Variants in CASD1 observed in about 807,000 individuals in gnomAD.
The protein encoded by CASD1 is N-acetylneuraminate (7)9-O-acetyltransferase.
In CASD1, 41 loss-of-function variants were observed where a neutral mutation model predicts 100.0. The ratio of observed to expected loss-of-function variants is 0.41; its 90% CI spans 0.32 to 0.53. CASD1 has a LOEUF of 0.53. CASD1 is among the 20% of genes least tolerant of loss of function. The pLI is 0.25. For missense variants in CASD1, 774 were observed against 948.7 expected (o/e 0.82, Z 2.42); for synonymous variants, 321 against 315.6 (o/e 1.02, Z -0.18).
chr7:94,577,633 A>T, the CASD1 span, among the ~76,000 whole-genome samples: 320 of 151,748 alleles, frequency 2.1e-3, 6 homozygotes, highest in Non-Finnish European at 6.8e-4. Flanking sequence ...TTCCAAAAAG[A>T]TAATGAAACT....
intron 5 of CASD1, among the ~76,000 whole-genome samples, chr7:94,528,536 C>CA (rs1268738904): frequency 1.3e-5 from 2 of 152,136 alleles, no homozygotes; most frequent in Admixed American, 6.5e-5. Context: ...TCAGCTGATT[C>CA]AAACCCAGGT....
At chr7:94,603,236 A>G in the CASD1 span, 7 of 1,435,104 alleles carry the variant, frequency 4.9e-6, no homozygotes, top group Non-Finnish European at 6.8e-6. Context: ...GTCAAACGTT[A>G]ACTCCAGCCA....
At chr7:94,513,745 A>G (rs893937463) in intron 1 of CASD1, among the ~76,000 whole-genome samples, 1 of 152,214 alleles carries the variant, frequency 6.6e-6, no homozygotes, top group Non-Finnish European at 1.5e-5. Context: ...CCTAACACAC[A>G]ATAGGAAATC....
chr7:94,568,769 C>T, the CASD1 span, among the ~76,000 whole-genome samples: 1 of 152,160 alleles, frequency 6.6e-6, no homozygotes, highest in Non-Finnish European at 1.5e-5. Flanking sequence ...GATTATTGCC[C>T]TTATAAAAGA....
At chr7:94,623,907 G>A in the CASD1 span, 5 of 360,880 alleles carry the variant, frequency 1.4e-5, no homozygotes, top group Non-Finnish European at 2.5e-5. Context: ...TCTCACTTAC[G>A]ATGGGAGTAA....
intron 9 of CASD1, 48 bp from the exon 10 acceptor site, chr7:94,538,919 A>G (rs1795249854): frequency 9.8e-7 from 1 of 1,017,484 alleles, no homozygotes; most frequent in African/African-American, 1.6e-5. Flanking sequence ...GCCGTTAAAT[A>G]ATTTCTTCAT....
At chr7:94,599,020 G>T in the CASD1 span, 1 of 1,279,906 alleles carries the variant, frequency 7.8e-7, no homozygotes. Flanking sequence ...AGCCTGATGG[G>T]TCATCAATTT....
the CASD1 span, chr7:94,588,458 C>G: frequency 7.5e-7 from 1 of 1,341,908 alleles, no homozygotes; most frequent in Non-Finnish European, 9.6e-7. Flanking sequence ...TAGACAGGAC[C>G]TCCATGGATG....
intron 3 of CASD1, among the ~76,000 whole-genome samples, chr7:94,523,038 A>T (rs1250496494): frequency 6.6e-6 from 1 of 152,210 alleles, no homozygotes; most frequent in Admixed American, 6.5e-5. Flanking sequence ...TTCTTGCTTT[A>T]AGGTAAGTTA....
chr7:94,535,265 A>T (rs1264243118), intron 7 of CASD1, 44 bp from the exon 8 acceptor site: 1 of 1,426,966 alleles, frequency 7.0e-7, no homozygotes, highest in Admixed American at 1.7e-5. Context: ...TTTTACCAAT[A>T]GGGATTTTTA....
At chr7:94,587,848 T>C in the CASD1 span, 1 of 1,527,958 alleles carries the variant, frequency 6.5e-7, no homozygotes, top group Non-Finnish European at 8.8e-7. Context: ...AGAAGATAAT[T>C]TCTGAATGAA....
At chr7:94,559,211 G>A (rs1035673008), downstream of CASD1, among the ~76,000 whole-genome samples, 1 of 151,156 alleles carries the variant, frequency 6.6e-6, no homozygotes, top group African/African-American at 2.4e-5. Flanking sequence ...TATTTAACTG[G>A]CATTCAATGT....
intron 14 of CASD1, 51 bp from the exon 15 acceptor site, chr7:94,551,287 G>GT: frequency 1.4e-6 from 2 of 1,434,704 alleles, no homozygotes; most frequent in East Asian, 2.7e-5. Flanking sequence ...TATTTTTCCT[G>GT]TTTTTTGAAA....
chr7:94,580,554 A>G, the CASD1 span, among the ~76,000 whole-genome samples: 2 of 152,254 alleles, frequency 1.3e-5, no homozygotes, highest in African/African-American at 4.8e-5. Context: ...ACAAAAAATT[A>G]TAACATTGCA....
chr7:94,534,053 A>G (rs536872276), intron 7 of CASD1, among the ~76,000 whole-genome samples: 266 of 152,234 alleles, frequency 1.7e-3, no homozygotes, highest in South Asian at 8.1e-3. Flanking sequence ...TGACAAAAAG[A>G]TAAGTCCTAA....
chr7:94,563,936 T>G, the CASD1 span, among the ~76,000 whole-genome samples: 4 of 152,182 alleles, frequency 2.6e-5, no homozygotes, highest in Admixed American at 2.6e-4. Flanking sequence ...AATGGCTTAT[T>G]TCCCATACTC....
At chr7:94,586,061 G>GAAAAAAAAAAAAAAAAAAAAAAAAAAAA in the CASD1 span, among the ~76,000 whole-genome samples, 2 of 28,908 alleles carry the variant, frequency 6.9e-5, no homozygotes, top group South Asian at 1.8e-3. Context: ...GGAACTAAAT[G>GAAAAAAAAAAAAAAAAAAAAAAAAAAAA]AAAAAAAAAA....
At chr7:94,583,897 A>G in the CASD1 span, among the ~76,000 whole-genome samples, 11 of 152,292 alleles carry the variant, frequency 7.2e-5, 1 homozygote, top group East Asian at 2.1e-3. Flanking sequence ...AATAGTCCTT[A>G]AGGACTATTA....
At chr7:94,623,374 G>T in the CASD1 span, 1 of 1,605,642 alleles carries the variant, frequency 6.2e-7, no homozygotes, top group Non-Finnish European at 8.5e-7. Context: ...CAGTCTCAAA[G>T]GTGCGCCTGT....
Sources: allele counts gnomAD v4.1 joint callset (sites outside exome capture counted in the v4.1 genomes callset), GRCh38; gene constraint gnomAD v4.1.1; transcripts MANE v1.5; gene names NCBI Gene and HGNC (gene_info 2026-07-23, HGNC 2026-07-21).